Variants in CNNM2 observed in about 807,000 individuals in gnomAD.
The protein encoded by CNNM2 is cyclin and CBS domain divalent metal cation transport mediator 2.
A neutral mutation model predicts 66.9 loss-of-function variants in CNNM2; 12 were observed. That is an observed-to-expected ratio of 0.18 (90% CI 0.11 to 0.29). The LOEUF (loss-of-function observed/expected upper bound fraction) is 0.29, where lower values mean the gene tolerates loss of function less well. Ranked by LOEUF, CNNM2 falls within the 10% of genes least tolerant of loss-of-function variation. The pLI is 1.00. For missense variants in CNNM2, 705 were observed against 1,167.7 expected (o/e 0.60, Z 5.77); for synonymous variants, 557 against 501.8 (o/e 1.11, Z -1.47).
chr10:102,931,260 T>C (rs1304585057), intron 1 of CNNM2, among the ~76,000 whole-genome samples: 1 of 152,244 alleles, frequency 6.6e-6, no homozygotes, highest in Non-Finnish European at 1.5e-5. Context: ...CTATTGCAAG[T>C]TGGCCATAGA....
intron 4 of CNNM2, among the ~76,000 whole-genome samples, chr10:103,059,740 T>G (rs1370782384): frequency 7.0e-6 from 1 of 142,050 alleles, no homozygotes; most frequent in Non-Finnish European, 1.6e-5. Context: ...TCATAGAAGA[T>G]CAGGCATACT....
chr10:103,021,980 T>G lies in CNNM2; in HGVS notation c.1622-27727T>G, dbSNP rs139495289. Among the ~76,000 whole-genome samples the G allele has an allele frequency of 5.8e-3, 886 of 152,314 alleles. 4 individuals carry two copies. The highest frequency in any genetic ancestry group is 0.031 in the Middle Eastern group (9 of 294). ...GGTTTTGAAGGCCAAATTAGAATTCTTTAAGGTCAGAGAGAGTTCTGTTCA... is the reference window on the plus strand; with the variant it reads ...GGTTTTGAAGGCCAAATTAGAATTCGTTAAGGTCAGAGAGAGTTCTGTTCA... On this transcript the variant is annotated intron_variant, in intron 1 of 7. Transcript: ENST00000369878.
chr10:102,991,648 C>T (rs889756619), intron 1 of CNNM2, among the ~76,000 whole-genome samples: 3 of 152,132 alleles, frequency 2.0e-5, no homozygotes, highest in African/African-American at 7.2e-5. Flanking sequence ...GAAGGCCACT[C>T]TGAACTAGCA....
intron 1 of CNNM2, among the ~76,000 whole-genome samples, chr10:102,986,683 G>C (rs2063803245): frequency 6.6e-6 from 1 of 151,506 alleles, no homozygotes; most frequent in Non-Finnish European, 1.5e-5. Flanking sequence ...GGGAGGCTGA[G>C]GCAGGAGAAT....
intron 4 of CNNM2, among the ~76,000 whole-genome samples, chr10:103,062,542 AT>A (rs2065405246): frequency 6.6e-6 from 1 of 152,234 alleles, no homozygotes; most frequent in African/African-American, 2.4e-5. Flanking sequence ...TAGGTATAAG[AT>A]TCCTTTGCTT....
intron 1 of CNNM2, among the ~76,000 whole-genome samples, chr10:103,015,586 G>C (rs2134277822): frequency 6.6e-6 from 1 of 152,146 alleles, no homozygotes; most frequent in East Asian, 1.9e-4. Context: ...GGCTGCAGTG[G>C]CTCACGCCTG....
In CNNM2 at chr10:103,084,712, G is replaced by A. The variant is rs1371673002; in HGVS notation, c.*7532G>A. On this transcript the variant is annotated 3_prime_UTR_variant, in exon 8 of 8. Transcript: ENST00000369878. Reference sequence around the variant, plus strand: ...GCTCATTTCTAAGCTTTATCGTGATGCACCCGGGGTTTCTATTTCACAAAA... The same window carrying A: ...GCTCATTTCTAAGCTTTATCGTGATACACCCGGGGTTTCTATTTCACAAAA... The A allele has an allele frequency of 6.6e-6, 1 of 152,132 alleles. No homozygotes were observed. The highest frequency in any genetic ancestry group is 1.5e-5 in the Non-Finnish European group (1 of 68,032). 9.4% of individuals were successfully genotyped at this position (152,132 alleles called of 1,614,324 possible).
rs10596673 is a variant in CNNM2 at position 102,938,619 on chromosome 10, C to CA, written c.1621+18543dup. ...TGGGTGACAGAGTGAGACCCTGTCT[C>CA]AAAAAAAAAAAAAAAAAAAAAAAAA... On this transcript the variant is annotated intron_variant, in intron 1 of 7. Transcript: ENST00000369878. 9.1e-3 allele frequency among the ~76,000 whole-genome samples: 580 copies of CA among 63,630 alleles called. 4 individuals carry two copies. The highest frequency in any genetic ancestry group is 0.012 in the Non-Finnish European group (429 of 36,562). The allele number at this position is 63,630 out of a possible 152,430, so 41.7% of individuals were successfully genotyped here. A position where few individuals can be genotyped will look rare whatever the true frequency, so the allele number is the denominator to read the frequency against.
rs926990765 is a variant in CNNM2, at chr10:103,086,272, A to G, written c.*9092A>G. 1 of 152,246 alleles carries G rather than the reference A, an allele frequency of 6.6e-6. No individual in the cohort carries two copies. The highest frequency in any genetic ancestry group is 1.5e-5 in the Non-Finnish European group (1 of 68,050). 9.4% of individuals were successfully genotyped at this position (152,246 alleles called of 1,614,324 possible). Reference sequence around the variant, plus strand: ...AAAGCTGGATTCCCTGATCACCACTAAAGATCATCATGAGAAACATAAGTA... The same window carrying G: ...AAAGCTGGATTCCCTGATCACCACTGAAGATCATCATGAGAAACATAAGTA... On this transcript the variant is annotated 3_prime_UTR_variant, in exon 8 of 8. Coordinates refer to ENST00000369878, the MANE Select transcript of CNNM2 (RefSeq NM_017649.5).
intron 1 of CNNM2, among the ~76,000 whole-genome samples, chr10:103,004,975 G>A (rs534796042): frequency 9.9e-5 from 15 of 152,006 alleles, no homozygotes; most frequent in Non-Finnish European, 1.8e-4. Context: ...ATTATTGAAT[G>A]GTCTTTAATT....
intron 1 of CNNM2, among the ~76,000 whole-genome samples, chr10:102,926,215 A>C (rs1394456788): frequency 2.0e-5 from 3 of 152,194 alleles, no homozygotes; most frequent in Admixed American, 1.3e-4. Flanking sequence ...AAATAATATA[A>C]GTGAAATTCT....
rs2065759818 is a variant in CNNM2, at chr10:103,081,758, CT to C, written c.*4580del. 6.6e-6 allele frequency: 1 copy of C among 152,214 alleles called. No individual in the cohort carries two copies. The highest frequency in any genetic ancestry group is 6.5e-5 in the Admixed American group (1 of 15,270). The allele number at this position is 152,214 out of a possible 1,614,324, so 9.4% of individuals were successfully genotyped here. A position where few individuals can be genotyped will look rare whatever the true frequency, so the allele number is the denominator to read the frequency against. On this transcript the variant is annotated 3_prime_UTR_variant, in exon 8 of 8. Transcript: ENST00000369878. ...TACTTGCCCATTTCCCTTTTGCTAC[CT>C]TCTTTCCTATCTGGAGATTCATATT...
chr10:103,017,280 G>A (rs758197417), intron 1 of CNNM2, among the ~76,000 whole-genome samples: 17 of 152,196 alleles, frequency 1.1e-4, no homozygotes, highest in Non-Finnish European at 1.9e-4. Context: ...GCATGAAGAC[G>A]TACGATGGAG....
chr10:103,074,726 C>T (rs1211490927), intron 6 of CNNM2, among the ~76,000 whole-genome samples: 1 of 152,112 alleles, frequency 6.6e-6, no homozygotes, highest in Non-Finnish European at 1.5e-5. Context: ...CCCAGCTACT[C>T]AGGAGGCTGA....
rs575596923 is a variant in CNNM2, at chr10:103,021,194, C to T, written c.1622-28513C>T. On this transcript the variant is annotated intron_variant, in intron 1 of 7. Transcript: ENST00000369878. ...CCCCGTGATTGTCCCAGCTGACCGA[C>T]TGGAGATCACAGGGCAAGGAGGGAC... Among the ~76,000 whole-genome samples the T allele has an allele frequency of 6.7e-4, 102 of 152,256 alleles. 1 individual carries two copies. Among genetic ancestry groups the T allele is most frequent in the Admixed American group, 1.8e-3 (28 of 15,292 alleles).
rs2065265479 is a variant in CNNM2 at position 103,054,489 on chromosome 10, T to C, written c.1903+23T>C. On this transcript the variant is annotated intron_variant, in intron 3 of 7. Coordinates refer to ENST00000369878, the MANE Select transcript of CNNM2 (RefSeq NM_017649.5). This position sits in a 1 kb window ranked among gnomAD's most constrained non-coding sequence, Gnocchi z 5.2. ...CAGGCAAGTGCAGCTTATCACAGTT[T>C]GAGATCTCTACCAACCCTGAAGCGT... 7.4e-6 allele frequency: 12 copies of C among 1,612,258 alleles called. No individual in the cohort carries two copies. Among genetic ancestry groups the C allele is most frequent in the Non-Finnish European group, 1.0e-5 (12 of 1,178,790 alleles).
intron 1 of CNNM2, among the ~76,000 whole-genome samples, chr10:103,026,165 C>T (rs1205408058): frequency 6.6e-6 from 1 of 152,200 alleles, no homozygotes; most frequent in Non-Finnish European, 1.5e-5. Context: ...ATCTGTTCTT[C>T]ATAAATTAAC....
At chr10:103,042,040 C>G (rs1296584210) in intron 1 of CNNM2, among the ~76,000 whole-genome samples, 1 of 152,194 alleles carries the variant, frequency 6.6e-6, no homozygotes, top group Non-Finnish European at 1.5e-5. Context: ...ACTAGGATGT[C>G]AAATTTATCC....
intron 1 of CNNM2, among the ~76,000 whole-genome samples, chr10:102,925,465 C>T (rs191924543): frequency 7.9e-5 from 12 of 152,012 alleles, no homozygotes; most frequent in African/African-American, 2.7e-4. Context: ...TTAGGAAAAA[C>T]TGGTCTAGTC....
Sources: gnomAD v4.1 joint callset for allele counts (sites outside exome capture counted in the v4.1 genomes callset) on GRCh38, gnomAD v4.1.1 for gene constraint, Gnocchi (gnomAD v3.1) non-coding constraint, MANE v1.5 for transcripts, NCBI Gene and HGNC (gene_info 2026-07-23, HGNC 2026-07-21) for gene names.